Variants in ANK3 observed in about 807,000 individuals in gnomAD.
The protein encoded by ANK3 is ankyrin 3, also known as ankyrin-3.
Under a neutral mutation model 370.9 loss-of-function variants are expected in ANK3, and 57 were observed. That is an observed-to-expected ratio of 0.15 (90% CI 0.12 to 0.19). The LOEUF (loss-of-function observed/expected upper bound fraction) is 0.19. Among genes scored for constraint, ANK3 ranks in the 10% least tolerant of loss-of-function variants. The probability of loss-of-function intolerance (pLI) is 1.00; values close to 1 mark genes in which losing one functional copy is unlikely to be tolerated. For missense variants in ANK3, 4,439 were observed against 5,302.1 expected (o/e 0.84, Z 5.06); for synonymous variants, 1,929 against 1,946.3 (o/e 0.99, Z 0.23).
chr10:60,517,831 C>T (rs930334047), intron 2 of ANK3, among the ~76,000 whole-genome samples: 3 of 151,912 alleles, frequency 2.0e-5, no homozygotes, highest in Non-Finnish European at 4.4e-5. Context: ...GACAAATCAG[C>T]CACTGGGGCC....
chr10:60,063,870 TTA>T (rs1350216312), intron 39 of ANK3, among the ~76,000 whole-genome samples: 1 of 152,202 alleles, frequency 6.6e-6, no homozygotes, highest in Admixed American at 6.5e-5. Context: ...ACAACTAAAA[TTA>T]TGTTTTCAGT....
chr10:60,323,026 C>T (rs2049012960), intron 1 of ANK3, among the ~76,000 whole-genome samples: 1 of 152,080 alleles, frequency 6.6e-6, no homozygotes, highest in South Asian at 2.1e-4. Context: ...CTTTGGATAT[C>T]CCCACAAGCA....
At chr10:60,650,401 G>A (rs1195173721) in intron 1 of ANK3, among the ~76,000 whole-genome samples, 1 of 150,110 alleles carries the variant, frequency 6.7e-6, no homozygotes, top group African/African-American at 2.5e-5. Flanking sequence ...ACAAGCTCCT[G>A]CTTTAAAGTC....
intron 21 of ANK3, 74 bp downstream of exon 21, chr10:60,172,234 C>A: frequency 2.6e-6 from 3 of 1,146,794 alleles, no homozygotes; most frequent in East Asian, 2.4e-5. Context: ...AAAAAATATT[C>A]ATCTCAGAAA....
At chr10:60,685,628 C>A (rs530947910) in intron 1 of ANK3, among the ~76,000 whole-genome samples, 3 of 152,166 alleles carry the variant, frequency 2.0e-5, no homozygotes, top group African/African-American at 7.2e-5. Flanking sequence ...AAAACATTGG[C>A]AATACATTTA....
chr10:60,266,348 A>C (rs1320175419), intron 5 of ANK3, among the ~76,000 whole-genome samples: 2 of 152,202 alleles, frequency 1.3e-5, no homozygotes, highest in Non-Finnish European at 2.9e-5. Flanking sequence ...ATTAACAGAG[A>C]TTTCTTGCTT....
chr10:60,374,386 G>A (rs2060496366), intron 1 of ANK3, among the ~76,000 whole-genome samples: 2 of 152,140 alleles, frequency 1.3e-5, no homozygotes, highest in African/African-American at 4.8e-5. Context: ...CTTCCAGCTG[G>A]ATAAACTAGC....
chr10:60,547,034 T>G (rs1318396424), intron 2 of ANK3, among the ~76,000 whole-genome samples: 1 of 151,594 alleles, frequency 6.6e-6, no homozygotes, highest in Non-Finnish European at 1.5e-5. Context: ...CAACTACTAC[T>G]AATGTTGTCT....
chr10:60,074,300 G>C lies in ANK3; in HGVS notation c.6581C>G (p.Pro2194Arg), dbSNP rs1176168259. 3.1e-6 allele frequency: 5 copies of C among 1,614,076 alleles called. No homozygotes were observed. The highest frequency in any genetic ancestry group is 4.2e-6 in the Non-Finnish European group (5 of 1,180,004). Residue 2194 changes from proline to arginine, a missense_variant, in exon 37 of 44, where the codon CCT becomes CGT. Pro to Arg is a moderately radical substitution (Grantham distance 103, BLOSUM62 -2). Coordinates refer to ENST00000280772, the MANE Select transcript of ANK3 (RefSeq NM_020987.5). ...TTCCATAAAAGTAGGTGAAGGTTTA[G>C]GTGACACAGGCTCCTCTGGTTGGGT... Reference protein sequence around the residue: ...PQTQPEEPVSPKPSPTFMELE... With the variant: ...PQTQPEEPVSRKPSPTFMELE...
intron 1 of ANK3, among the ~76,000 whole-genome samples, chr10:60,347,230 C>T (rs906742531): frequency 2.6e-5 from 4 of 151,786 alleles, no homozygotes. Flanking sequence ...AGAAAGACTG[C>T]TTGCTTAGTC....
upstream of ANK3, among the ~76,000 whole-genome samples, chr10:60,390,258 G>A (rs937914905): frequency 6.6e-6 from 1 of 152,130 alleles, no homozygotes; most frequent in Admixed American, 6.6e-5. Context: ...TTGTGGGGAG[G>A]ACTACAGAAG....
At chr10:60,207,793 G>A (rs2096788387) in intron 10 of ANK3, among the ~76,000 whole-genome samples, 1 of 152,050 alleles carries the variant, frequency 6.6e-6, no homozygotes, top group Admixed American at 6.6e-5. Flanking sequence ...ATAGTCTTTG[G>A]GTTCATACGG....
At chr10:60,434,221 A>G (rs576694040) in intron 2 of ANK3, among the ~76,000 whole-genome samples, 1 of 152,324 alleles carries the variant, frequency 6.6e-6, no homozygotes, top group East Asian at 1.9e-4. Context: ...TATTCATCTT[A>G]ATTTTAGTAT....
intron 1 of ANK3, among the ~76,000 whole-genome samples, chr10:60,700,858 C>A (rs1300707932): frequency 2.6e-5 from 4 of 151,980 alleles, no homozygotes; most frequent in Non-Finnish European, 5.9e-5. Flanking sequence ...TGAGTGAGTT[C>A]TTCTATAATC....
At chr10:60,379,703 G>A (rs866363223) in intron 1 of ANK3, among the ~76,000 whole-genome samples, 53 of 152,138 alleles carry the variant, frequency 3.5e-4, no homozygotes, top group African/African-American at 1.2e-3. Flanking sequence ...CAGAATACTA[G>A]AGGCTGGAAA....
At chr10:60,436,110 TA>T (rs199562501) in intron 2 of ANK3, among the ~76,000 whole-genome samples, 2 of 151,348 alleles carry the variant, frequency 1.3e-5, no homozygotes, top group South Asian at 2.1e-4. Context: ...AATAAATAAA[TA>T]AAAAAAATAA....
At chr10:60,273,428 C>G (rs149058508) in intron 4 of ANK3, among the ~76,000 whole-genome samples, 69 of 152,040 alleles carry the variant, frequency 4.5e-4, no homozygotes, top group African/African-American at 1.5e-3. Context: ...ATTGGGCAAC[C>G]CTTCCCACTA....
At chr10:60,485,246 T>G (rs2075319932) in intron 2 of ANK3, among the ~76,000 whole-genome samples, 1 of 152,134 alleles carries the variant, frequency 6.6e-6, no homozygotes, top group Non-Finnish European at 1.5e-5. Context: ...TCTGTTTCTT[T>G]CCATGTCTAC....
At chr10:60,540,937 A>C (rs1286740721) in intron 2 of ANK3, among the ~76,000 whole-genome samples, 1 of 151,984 alleles carries the variant, frequency 6.6e-6, no homozygotes, top group African/African-American at 2.4e-5. Flanking sequence ...GTATAAAGAT[A>C]TTTATTACTA....
Sources: gnomAD v4.1 joint callset for allele counts (sites outside exome capture counted in the v4.1 genomes callset) on GRCh38, gnomAD v4.1.1 for gene constraint, MANE v1.5 for transcripts, NCBI Gene and HGNC (gene_info 2026-07-23, HGNC 2026-07-21) for gene names.